The following ACACB variants were observed in gnomAD, a reference collection of about 807,000 sequenced individuals.
ACACB encodes the protein acetyl-CoA carboxylase 2.
ACACB carries 209 observed loss-of-function variants against 278.8 expected under a neutral mutation model. The observed-to-expected ratio is 0.75, with a 90% CI of 0.67 to 0.84. The LOEUF (loss-of-function observed/expected upper bound fraction) is 0.84, where lower values mean the gene tolerates loss of function less well. ACACB is among the 40% of genes least tolerant of loss of function. The probability of loss-of-function intolerance (pLI) is 0.00; values close to 1 mark genes in which losing one functional copy is unlikely to be tolerated. For synonymous variants in ACACB, 1,174 were observed against 1,285.6 expected (o/e 0.91, Z 1.86); for missense variants, 2,850 against 3,269.0 (o/e 0.87, Z 3.13).
At chr12:109,207,916 G>A (rs1267389245) in intron 20 of ACACB, among the ~76,000 whole-genome samples, 1 of 152,134 alleles carries the variant, frequency 6.6e-6, no homozygotes, top group African/African-American at 2.4e-5. Flanking sequence ...CTGACCTCAG[G>A]TGATCCACCC....
chr12:109,179,584 T>C (rs1386801235), intron 10 of ACACB, among the ~76,000 whole-genome samples: 1 of 152,148 alleles, frequency 6.6e-6, no homozygotes, highest in Non-Finnish European at 1.5e-5. Context: ...ACTCCTGGGC[T>C]CAAGTGATCC....
At chr12:109,136,771 A>G (rs1347849363) in intron 1 of ACACB, among the ~76,000 whole-genome samples, 1 of 152,184 alleles carries the variant, frequency 6.6e-6, no homozygotes, top group African/African-American at 2.4e-5. Flanking sequence ...CACTTTCTAC[A>G]TATAGGACCA....
chr12:109,201,702 G>A lies in ACACB; in HGVS notation c.2913+1G>A. The stretch of plus-strand genomic sequence containing the variant: ...CGATGACCCTTCTAAAGTCCACCCG[G>A]TATGTGGCTCCACGGCCCAAGTGCT... On this transcript the variant is annotated splice_donor_variant, in intron 19 of 52. Coordinates refer to ENST00000338432, the MANE Select transcript of ACACB (RefSeq NM_001093.4). LOFTEE classifies it high-confidence loss of function. 1 of 1,613,576 alleles carries A rather than the reference G, an allele frequency of 6.2e-7. No homozygotes were observed. Among genetic ancestry groups the A allele is most frequent in the Non-Finnish European group, 8.5e-7 (1 of 1,179,818 alleles).
At chr12:109,218,523 C>T (rs148356537) in intron 24 of ACACB, among the ~76,000 whole-genome samples, 147 of 151,932 alleles carry the variant, frequency 9.7e-4, no homozygotes, top group African/African-American at 3.3e-3. Flanking sequence ...TGCGCCTGGC[C>T]GATAATAGCA....
chr12:109,111,893 C>A (rs1285165611), upstream of ACACB, among the ~76,000 whole-genome samples: 2 of 152,054 alleles, frequency 1.3e-5, no homozygotes, highest in African/African-American at 4.8e-5. Flanking sequence ...GTTTATCATT[C>A]TACATTTTGT....
chr12:109,241,208 T>C lies in ACACB; in HGVS notation c.4949T>C (p.Phe1650Ser). ...GGCAGTGCCGTTCCCATCCGCCTGTTCATCACCAATGAGTCGGGCTACTAC... is the reference window on the plus strand; with the variant it reads ...GGCAGTGCCGTTCCCATCCGCCTGTCCATCACCAATGAGTCGGGCTACTAC... ...TTGSAVPIRLFITNESGYYLD... is the reference protein window; with the variant it reads ...TTGSAVPIRLSITNESGYYLD... Residue 1650 changes from phenylalanine to serine, a missense_variant, in exon 36 of 53, where the codon TTC becomes TCC. Physicochemically the swap from Phe to Ser is radical, Grantham distance 155. Around this residue, in one of 3 missense-constraint regions of ACACB, gnomAD observed 2,265 missense variants for 2,561.3 expected, o/e 0.88. Transcript: ENST00000338432. The C allele has an allele frequency of 6.2e-7, 1 of 1,614,224 alleles. No individual in the cohort carries two copies. Among genetic ancestry groups the C allele is most frequent in the Non-Finnish European group, 8.5e-7 (1 of 1,180,040 alleles).
intron 22 of ACACB, among the ~76,000 whole-genome samples, chr12:109,214,405 G>T (rs1237018648): frequency 6.6e-6 from 1 of 152,210 alleles, no homozygotes; most frequent in African/African-American, 2.4e-5. Flanking sequence ...CTCCTCAGCT[G>T]TTAGGGAGAG....
At chr12:109,225,424 G>T (rs779628502) in intron 27 of ACACB, among the ~76,000 whole-genome samples, 1 of 152,170 alleles carries the variant, frequency 6.6e-6, no homozygotes, top group African/African-American at 2.4e-5. Flanking sequence ...GTAGAGATGG[G>T]GTTTTGCCAT....
At chr12:109,224,014 C>A in intron 27 of ACACB, 110 bp downstream of exon 27, 1 of 925,260 alleles carries the variant, frequency 1.1e-6, no homozygotes, top group Non-Finnish European at 1.8e-6. Context: ...GTGATCCTAT[C>A]CTTTTCTCTT....
At chr12:109,178,678 A>T (rs1367425881) in intron 9 of ACACB, among the ~76,000 whole-genome samples, 1 of 152,228 alleles carries the variant, frequency 6.6e-6, no homozygotes, top group Non-Finnish European at 1.5e-5. Flanking sequence ...TTATTGGAGG[A>T]AGTATGAAAA....
rs142637042 is a variant in ACACB, at chr12:109,190,478, C to T, written c.2145-1135C>T. ...CATGGGGCCCACCAGGCCCCTGAGC[C>T]GGGTGACAGTGCCGTCCATCTGCAG... On this transcript the variant is annotated intron_variant, in intron 13 of 52. Coordinates refer to ENST00000338432, the MANE Select transcript of ACACB (RefSeq NM_001093.4). Among the ~76,000 whole-genome samples the T allele has an allele frequency of 2.7e-3, 411 of 152,316 alleles. 3 individuals carry two copies. Among genetic ancestry groups the T allele is most frequent in the African/African-American group, 9.5e-3 (393 of 41,572 alleles).
At chr12:109,187,938 T>C in intron 12 of ACACB, 61 bp from the exon 13 acceptor site, 1 of 1,552,114 alleles carries the variant, frequency 6.4e-7, no homozygotes, top group South Asian at 1.2e-5. Context: ...GACTGAATTC[T>C]GATGAAAATA....
chr12:109,262,858 C>A (rs1402080149), intron 49 of ACACB, among the ~76,000 whole-genome samples: 1 of 150,200 alleles, frequency 6.7e-6, no homozygotes, highest in Middle Eastern at 3.4e-3. Flanking sequence ...CTCAAGCAAT[C>A]CACCTACCTC....
chr12:109,217,623 A>G (rs1007846655), intron 24 of ACACB, among the ~76,000 whole-genome samples: 1 of 151,824 alleles, frequency 6.6e-6, no homozygotes, highest in African/African-American at 2.4e-5. Flanking sequence ...ACATAGGGAG[A>G]CCCCCATCTC....
chr12:109,122,701 T>C (rs1402727742), intron 1 of ACACB, among the ~76,000 whole-genome samples: 1 of 152,084 alleles, frequency 6.6e-6, no homozygotes, highest in East Asian at 1.9e-4. Flanking sequence ...TTTTATGAAC[T>C]TTTTAACTTT....
At chr12:109,234,133 G>T in intron 31 of ACACB, 88 bp downstream of exon 31, 3 of 1,104,570 alleles carry the variant, frequency 2.7e-6, no homozygotes, top group Admixed American at 4.0e-5. Flanking sequence ...GGGGAGGCAG[G>T]CGTGCTGAGT....
intron 43 of ACACB, 59 bp downstream of exon 43, chr12:109,253,217 A>G: frequency 6.9e-7 from 1 of 1,453,094 alleles, no homozygotes; most frequent in African/African-American, 1.4e-5. Context: ...TCATTGGCTA[A>G]TTCTGTCCCT....
At chr12:109,262,215 A>G in intron 48 of ACACB, 142 bp from the exon 49 acceptor site, 1 of 626,448 alleles carries the variant, frequency 1.6e-6, no homozygotes, top group Non-Finnish European at 2.9e-6. Flanking sequence ...CTAAGGGCAC[A>G]CAGCATGTGT....
At chr12:109,255,974 G>A (rs1269293883) in intron 44 of ACACB, among the ~76,000 whole-genome samples, 166 bp from the exon 45 acceptor site, 6 of 152,186 alleles carry the variant, frequency 3.9e-5, no homozygotes, top group Non-Finnish European at 7.3e-5. Flanking sequence ...AGGCATTTTG[G>A]GAAGGAGGGA....
Sources: gnomAD v4.1 joint callset for allele counts (sites outside exome capture counted in the v4.1 genomes callset) on GRCh38, gnomAD v4.1.1 for gene constraint, gnomAD v4.1.1 regional missense constraint, MANE v1.5 for transcripts, NCBI Gene and HGNC (gene_info 2026-07-23, HGNC 2026-07-21) for gene names.